EHD4: variants seen among roughly 807,000 people sequenced by gnomAD.
EHD4 encodes EH domain containing 4.
Under a neutral mutation model 51.0 loss-of-function variants are expected in EHD4, and 37 were observed. The observed-to-expected ratio is 0.73, with a 90% CI of 0.56 to 0.95. The LOEUF is 0.95. Among genes scored for constraint, EHD4 ranks in the 40% least tolerant of loss-of-function variants. The pLI, the probability that EHD4 is intolerant of heterozygous loss-of-function variation, is 0.00. For missense variants in EHD4, 632 were observed against 733.1 expected, an observed-to-expected ratio of 0.86 and a Z score of 1.59; for synonymous variants, 297 against 317.3, an observed-to-expected ratio of 0.94 and a Z score of 0.68.
At chr15:41,916,633 A>C (rs746767910) in intron 4 of EHD4, among the ~76,000 whole-genome samples, 2 of 152,240 alleles carry the variant, frequency 1.3e-5, no homozygotes, top group Non-Finnish European at 2.9e-5. Context: ...AGCAGAAACA[A>C]GTTCAGCGGT....
intron 3 of EHD4, among the ~76,000 whole-genome samples, chr15:41,930,024 T>C (rs2140993465): frequency 6.6e-6 from 1 of 152,350 alleles, no homozygotes; most frequent in Admixed American, 6.5e-5. Flanking sequence ...ATGTGCTATA[T>C]AGCATTTGGG....
chr15:41,947,984 C>T (rs2067826221), intron 2 of EHD4, among the ~76,000 whole-genome samples: 1 of 149,056 alleles, frequency 6.7e-6, no homozygotes, highest in Middle Eastern at 3.5e-3. Context: ...AGGCCAGGCG[C>T]GGTGGCTCAC....
At chr15:41,918,728 C>A (rs146273243) in intron 4 of EHD4, among the ~76,000 whole-genome samples, 118 of 152,372 alleles carry the variant, frequency 7.7e-4, no homozygotes, top group Middle Eastern at 3.4e-3. Flanking sequence ...CTTCCCAGGG[C>A]TCCCCTGGAT....
chr15:41,944,223 C>T (rs766555705), intron 2 of EHD4, among the ~76,000 whole-genome samples: 24 of 152,228 alleles, frequency 1.6e-4, no homozygotes, highest in Non-Finnish European at 3.2e-4. Context: ...CAGGGTCTGG[C>T]GATGTCCTTT....
At chr15:41,901,889 C>A (rs140581814) in intron 5 of EHD4, among the ~76,000 whole-genome samples, 12 of 152,110 alleles carry the variant, frequency 7.9e-5, no homozygotes, top group Non-Finnish European at 1.0e-4. Context: ...GGCAGGGCCA[C>A]GGAGACCTTG....
chr15:41,900,884 C>T lies in EHD4; in HGVS notation c.1387G>A (p.Gly463Ser), dbSNP rs2067472728. 1.9e-6 allele frequency: 3 copies of T among 1,614,172 alleles called. No homozygotes were observed. The highest frequency in any genetic ancestry group is 2.5e-6 in the Non-Finnish European group (3 of 1,180,044). ...ELFYTLSPIN[G>S]KISGVNAKKE... ...TTGGCGTTGACACCTGATATCTTGC[C>T]ATTGATGGGCGACAGAGTGTAGAAG... The change falls in exon 6 of 6, where the codon GGC (glycine) becomes AGC (serine). Residue 463 changes from glycine to serine, a missense_variant. Coordinates refer to ENST00000220325, the MANE Select transcript of EHD4 (RefSeq NM_139265.4). The surrounding 1 kb of genome is among the most constrained non-coding windows in gnomAD (Gnocchi z 4.8).
chr15:41,927,071 G>C (rs1003537683), intron 3 of EHD4, among the ~76,000 whole-genome samples: 4 of 152,190 alleles, frequency 2.6e-5, no homozygotes, highest in Non-Finnish European at 4.4e-5. Context: ...CGGGGATAGA[G>C]TCTTATAGCT....
chr15:41,956,927 A>G (rs1200910465), intron 1 of EHD4, among the ~76,000 whole-genome samples: 2 of 152,234 alleles, frequency 1.3e-5, no homozygotes, highest in Admixed American at 1.3e-4. Context: ...CGGAATCATC[A>G]ATGCTGGCAA....
intron 3 of EHD4, among the ~76,000 whole-genome samples, chr15:41,925,872 C>T (rs539693868): frequency 6.6e-6 from 1 of 152,324 alleles, no homozygotes; most frequent in East Asian, 1.9e-4. Flanking sequence ...TGTGGTCCTC[C>T]ATCCTGGCCA....
At chr15:41,903,423 T>G (rs1006267482) in intron 5 of EHD4, among the ~76,000 whole-genome samples, 9 of 150,236 alleles carry the variant, frequency 6.0e-5, no homozygotes, top group African/African-American at 2.2e-4. Context: ...CTAGCATATC[T>G]GGGCATGCAT....
At position 41,901,118 on chromosome 15, in the gene EHD4, C is replaced by T. The variant is rs1307348677; in HGVS notation, c.1153G>A (p.Val385Met). ...ATCTTGTTGCTCAGCATGTTGTCCACTGCCTCGATCAGCTTGGGCTTCAGC... is the reference window on the plus strand; with the variant it reads ...ATCTTGTTGCTCAGCATGTTGTCCATTGCCTCGATCAGCTTGGGCTTCAGC... The part of the protein sequence containing the change: ...HSLKPKLIEA[V>M]DNMLSNKISP... Residue 385 changes from valine (V) to methionine (M), a missense_variant, in exon 6 of 6, where the codon GTG becomes ATG. Coordinates refer to ENST00000220325, the MANE Select transcript of EHD4 (RefSeq NM_139265.4). 1 of 1,599,910 alleles carries T rather than the reference C, an allele frequency of 6.3e-7. No homozygotes were observed. Among genetic ancestry groups the T allele is most frequent in the South Asian group, 1.1e-5 (1 of 88,340 alleles).
In EHD4 at chr15:41,900,622, C is replaced by T; in HGVS notation, c.*23G>A. On this transcript the variant is annotated 3_prime_UTR_variant, in exon 6 of 6. Transcript: ENST00000220325. The surrounding 1 kb of genome is among the most constrained non-coding windows in gnomAD (Gnocchi z 4.8). ...CCTGAGGCCCAGGTCCCCCAGTTCCCACCCCGTTCTGCAGCCCACCCCTCA... is the reference window on the plus strand; with the variant it reads ...CCTGAGGCCCAGGTCCCCCAGTTCCTACCCCGTTCTGCAGCCCACCCCTCA... The T allele has an allele frequency of 1.3e-6, 2 of 1,551,512 alleles. No homozygotes were observed. The highest frequency in any genetic ancestry group is 1.7e-6 in the Non-Finnish European group (2 of 1,152,808).
chr15:41,954,049 A>C, intron 1 of EHD4, 109 bp from the exon 2 acceptor site: 1 of 1,222,754 alleles, frequency 8.2e-7, no homozygotes, highest in Non-Finnish European at 1.2e-6. Flanking sequence ...AAAACGTAGA[A>C]ACATAACCCC....
rs75434628 is a variant in EHD4 at position 41,916,584 on chromosome 15, C to T, written c.924+2626G>A. Among the ~76,000 whole-genome samples the T allele has an allele frequency of 3.6e-3, 552 of 152,326 alleles. 5 individuals are homozygous for T. The highest frequency in any genetic ancestry group is 0.013 in the African/African-American group (522 of 41,588). On this transcript the variant is annotated intron_variant, in intron 4 of 5. Transcript: ENST00000220325. ...AAAGCACTTTTGGAAAATATAAACACTCCAAAAAGAAAAACTCAGGTAAGC... is the reference window on the plus strand; with the variant it reads ...AAAGCACTTTTGGAAAATATAAACATTCCAAAAAGAAAAACTCAGGTAAGC...
intron 4 of EHD4, among the ~76,000 whole-genome samples, chr15:41,914,838 T>G (rs942218126): frequency 1.3e-5 from 2 of 150,410 alleles, no homozygotes; most frequent in African/African-American, 2.4e-5. Flanking sequence ...CAGGCTGGAG[T>G]GCAGTGGCAC....
chr15:41,906,883 T>C (rs1159954458), intron 5 of EHD4, among the ~76,000 whole-genome samples: 2 of 152,132 alleles, frequency 1.3e-5, no homozygotes, highest in Non-Finnish European at 2.9e-5. Context: ...GGTGCTAAGG[T>C]ACTGGGCATA....
At chr15:41,952,885 G>A (rs2067861273) in intron 2 of EHD4, among the ~76,000 whole-genome samples, 1 of 151,770 alleles carries the variant, frequency 6.6e-6, no homozygotes, top group African/African-American at 2.4e-5. Context: ...AGCTACTTGG[G>A]AGGCTGAGGC....
At chr15:41,938,634 GTTAGAAAAT>G (rs1159458024) in intron 3 of EHD4, among the ~76,000 whole-genome samples, 5 of 152,206 alleles carry the variant, frequency 3.3e-5, no homozygotes, top group African/African-American at 1.2e-4. Context: ...AAGTCGATCT[GTTAGAAAAT>G]TTAGATAGAG....
chr15:41,949,480 C>A (rs1263181447), intron 2 of EHD4, among the ~76,000 whole-genome samples: 1 of 152,068 alleles, frequency 6.6e-6, no homozygotes, highest in Non-Finnish European at 1.5e-5. Context: ...CAATAATACA[C>A]CTGCGTATTT....
Sources: gnomAD v4.1 joint callset for allele counts (sites outside exome capture counted in the v4.1 genomes callset) on GRCh38, gnomAD v4.1.1 for gene constraint, Gnocchi (gnomAD v3.1) non-coding constraint, MANE v1.5 for transcripts, NCBI Gene and HGNC (gene_info 2026-07-23, HGNC 2026-07-21) for gene names.